Variants in AHI1 observed in about 807,000 individuals in gnomAD.
The protein encoded by AHI1 is Abelson helper integration site 1.
AHI1 carries 123 observed loss-of-function variants against 149.3 expected under a neutral mutation model. The observed-to-expected ratio is 0.82, with a 90% CI of 0.71 to 0.96. The LOEUF (loss-of-function observed/expected upper bound fraction) is 0.96. Ranked by LOEUF, AHI1 falls within the 40% of genes least tolerant of loss-of-function variation. AHI1 has a pLI of 0.00. For missense variants in AHI1, 1,439 were observed against 1,422.7 expected, an observed-to-expected ratio of 1.01 and a Z score of -0.18; for synonymous variants, 475 against 459.8, an observed-to-expected ratio of 1.03 and a Z score of -0.42.
chr6:135,294,698 C>CAAAAAAAAAAAACAAAAAAAAA (rs1782839915), intron 27 of AHI1, among the ~76,000 whole-genome samples: 1 of 68,020 alleles, frequency 1.5e-5, no homozygotes, highest in African/African-American at 4.8e-5. Flanking sequence ...TCTCCAAATG[C>CAAAAAAAAAAAACAAAAAAAAA]AAAAAAAAAA....
intron 20 of AHI1, among the ~76,000 whole-genome samples, chr6:135,415,525 G>C (rs1233323580): frequency 6.6e-6 from 1 of 152,162 alleles, no homozygotes; most frequent in African/African-American, 2.4e-5. Context: ...TTCAAAGTTG[G>C]CAAGTACACT....
intron 5 of AHI1, chr6:135,490,213 A>AT (rs1402990545): frequency 1.4e-6 from 1 of 725,426 alleles, no homozygotes; most frequent in South Asian, 1.5e-5. Context: ...ACGGCCATTG[A>AT]TTTCTCCTGG....
chr6:135,389,361 A>ATGC (rs1384147970), intron 23 of AHI1, among the ~76,000 whole-genome samples: 1 of 152,050 alleles, frequency 6.6e-6, no homozygotes, highest in East Asian at 1.9e-4. Context: ...CAACATGTCG[A>ATGC]TGCACAAGAG....
intron 14 of AHI1, among the ~76,000 whole-genome samples, chr6:135,439,069 C>G (rs112114733): frequency 2.0e-5 from 3 of 152,086 alleles, no homozygotes; most frequent in Non-Finnish European, 4.4e-5. Flanking sequence ...GATAGTAACA[C>G]GGAAAAACAA....
At chr6:135,396,477 T>C (rs1003680107) in intron 22 of AHI1, among the ~76,000 whole-genome samples, 3 of 151,776 alleles carry the variant, frequency 2.0e-5, no homozygotes, top group Non-Finnish European at 4.4e-5. Context: ...AAATAAGAAA[T>C]AGATTAAATA....
rs769216424 is a variant in AHI1 at position 135,354,144 on chromosome 6, TC to T, written c.3165+3987del. ...CTGTAATTTTATATACTGCCCAAAATCCATTTGCTAAAAGAAGCTTTGTTCT... is the reference window on the plus strand; with the variant it reads ...CTGTAATTTTATATACTGCCCAAAATCATTTGCTAAAAGAAGCTTTGTTCT... On this transcript the variant is annotated intron_variant, in intron 24 of 28. Transcript: ENST00000265602. Among the ~76,000 whole-genome samples, 9 of 152,178 alleles carry T rather than the reference TC, an allele frequency of 5.9e-5. No individual in the cohort carries two copies. The East Asian group carries it at 9.7e-4, about 16-fold the overall frequency.
At chr6:135,327,737 C>G (rs566136254) in intron 24 of AHI1, among the ~76,000 whole-genome samples, 10 of 152,152 alleles carry the variant, frequency 6.6e-5, no homozygotes, top group African/African-American at 2.2e-4. Context: ...AGGGTCCTTC[C>G]CCCCTCTACC....
chr6:135,380,746 A>ACCC (rs1776646534), intron 23 of AHI1, among the ~76,000 whole-genome samples: 4 of 36,936 alleles, frequency 1.1e-4, no homozygotes, highest in East Asian at 6.6e-4. Context: ...CCCCCCCCCA[A>ACCC]AAAAAAAGTA....
chr6:135,419,732 T>C (rs932843267), intron 20 of AHI1, among the ~76,000 whole-genome samples: 4 of 152,120 alleles, frequency 2.6e-5, no homozygotes, highest in Admixed American at 1.3e-4. Context: ...AATGGGGTGG[T>C]TGCTGAAGGC....
intron 24 of AHI1, among the ~76,000 whole-genome samples, chr6:135,342,416 C>T (rs528467647): frequency 1.1e-4 from 17 of 151,784 alleles, no homozygotes; most frequent in Non-Finnish European, 2.2e-4. Flanking sequence ...TCCATGGGAT[C>T]GGTATTACCA....
chr6:135,293,797 A>G (rs569782547), intron 27 of AHI1, among the ~76,000 whole-genome samples: 19 of 152,360 alleles, frequency 1.2e-4, no homozygotes, highest in African/African-American at 4.1e-4. Flanking sequence ...TTAAAATGTC[A>G]ATTCTCTCCA....
chr6:135,362,175 T>C (rs897215095), intron 23 of AHI1, among the ~76,000 whole-genome samples: 3 of 152,190 alleles, frequency 2.0e-5, no homozygotes, highest in Non-Finnish European at 2.9e-5. Context: ...TATACACATA[T>C]ATATACTTGG....
intron 26 of AHI1, among the ~76,000 whole-genome samples, chr6:135,316,248 G>A (rs568886726): frequency 1.3e-5 from 2 of 152,014 alleles, no homozygotes; most frequent in East Asian, 3.9e-4. Flanking sequence ...CTGTCTATTG[G>A]CTTTGTCTCC....
chr6:135,293,406 GAAAAAA>G (rs71547029), intron 27 of AHI1, among the ~76,000 whole-genome samples: 2 of 65,596 alleles, frequency 3.0e-5, no homozygotes, highest in African/African-American at 8.9e-5. Flanking sequence ...AAAAAAAAAA[GAAAAAA>G]AAAAAAAAAA....
At chr6:135,314,402 A>T (rs1785637764) in intron 26 of AHI1, among the ~76,000 whole-genome samples, 1 of 152,224 alleles carries the variant, frequency 6.6e-6, no homozygotes, top group African/African-American at 2.4e-5. Context: ...CAGCTTCCAG[A>T]AGTGTGAGAA....
At chr6:135,394,940 G>T in intron 22 of AHI1, 44 bp from the exon 23 acceptor site, 2 of 1,555,734 alleles carry the variant, frequency 1.3e-6, no homozygotes, top group Non-Finnish European at 1.7e-6. Flanking sequence ...TAATTTCCTG[G>T]ATTACTAATG....
chr6:135,464,119 G>A (rs1790357496), intron 7 of AHI1, among the ~76,000 whole-genome samples: 1 of 151,626 alleles, frequency 6.6e-6, no homozygotes, highest in Admixed American at 6.6e-5. Context: ...ACATTTTAAT[G>A]TATCTAGTAA....
intron 5 of AHI1, among the ~76,000 whole-genome samples, chr6:135,472,269 A>G (rs1057488998): frequency 2.0e-5 from 3 of 152,096 alleles, no homozygotes; most frequent in Non-Finnish European, 2.9e-5. Context: ...AGACTTTCAC[A>G]TAAATGAAAT....
chr6:135,396,030 C>T (rs528142471), intron 22 of AHI1, among the ~76,000 whole-genome samples: 1 of 151,488 alleles, frequency 6.6e-6, no homozygotes, highest in East Asian at 1.9e-4. Flanking sequence ...TGCTTTTAAA[C>T]AGTGATAATA....
Sources: gnomAD v4.1 joint callset for allele counts (sites outside exome capture counted in the v4.1 genomes callset) on GRCh38, gnomAD v4.1.1 for gene constraint, MANE v1.5 for transcripts, NCBI Gene and HGNC (gene_info 2026-07-23, HGNC 2026-07-21) for gene names.